EXOC6B: variants seen among roughly 807,000 people sequenced by gnomAD.
The protein encoded by EXOC6B is SEC15 homolog B.
EXOC6B carries 54 observed loss-of-function variants against 113.5 expected under a neutral mutation model. The ratio of observed to expected loss-of-function variants is 0.48; its 90% CI spans 0.38 to 0.60. The LOEUF is 0.60. Ranked by LOEUF, EXOC6B falls within the 20% of genes least tolerant of loss-of-function variation. The pLI is 0.00. For missense variants in EXOC6B, 797 were observed against 977.5 expected (o/e 0.82, Z 2.46); for synonymous variants, 357 against 339.0 (o/e 1.05, Z -0.58).
At chr2:72,346,361 G>A (rs1689338979) in intron 19 of EXOC6B, among the ~76,000 whole-genome samples, 1 of 152,120 alleles carries the variant, frequency 6.6e-6, no homozygotes. Flanking sequence ...AAGAAATGAG[G>A]ATCTAGGCAC....
In EXOC6B at chr2:72,451,456, C is replaced by T. The variant is rs62149322; in HGVS notation, c.1980+13704G>A. Among the ~76,000 whole-genome samples the T allele has an allele frequency of 6.8e-3, 1,040 of 152,186 alleles. 11 individuals are homozygous for T. Among genetic ancestry groups the T allele is most frequent in the Non-Finnish European group, 0.013 (873 of 68,004 alleles). The stretch of plus-strand genomic sequence containing the variant: ...TAGACAAAAACATGAAATAAAACTT[C>T]CTTGTTTTGTTACCATCTTAGAACA... On this transcript the variant is annotated intron_variant, in intron 18 of 21. Transcript: ENST00000272427.
intron 20 of EXOC6B, among the ~76,000 whole-genome samples, chr2:72,277,090 A>G (rs1326940187): frequency 6.6e-6 from 1 of 152,166 alleles, no homozygotes; most frequent in East Asian, 1.9e-4. Context: ...CAAATCAGGG[A>G]GGTAATTTTT....
intron 18 of EXOC6B, among the ~76,000 whole-genome samples, chr2:72,423,751 GCACACATACATA>G (rs1274914156): frequency 6.6e-6 from 1 of 151,868 alleles, no homozygotes; most frequent in Non-Finnish European, 1.5e-5. Context: ...ACATACACGT[GCACACATACATA>G]CACACATGCA....
chr2:72,669,672 A>G (rs1335140991), intron 6 of EXOC6B, among the ~76,000 whole-genome samples: 1 of 152,226 alleles, frequency 6.6e-6, no homozygotes. Flanking sequence ...TAAACTAGGG[A>G]TCTCTATACA....
chr2:72,559,925 T>C (rs532831776), intron 7 of EXOC6B, among the ~76,000 whole-genome samples: 1 of 152,230 alleles, frequency 6.6e-6, no homozygotes, highest in Admixed American at 6.5e-5. Flanking sequence ...GTTTTAGTAG[T>C]CAAAAACAAA....
At chr2:72,823,481 A>AAAAAAAAAAAAAAAAAC (rs1686712006) in intron 1 of EXOC6B, among the ~76,000 whole-genome samples, 3 of 142,214 alleles carry the variant, frequency 2.1e-5, no homozygotes, top group African/African-American at 8.2e-5. Context: ...AAAAAAAACA[A>AAAAAAAAAAAAAAAAAC]AAAACAAAAA....
intron 18 of EXOC6B, among the ~76,000 whole-genome samples, chr2:72,461,017 A>G (rs1347139404): frequency 6.6e-6 from 1 of 151,966 alleles, no homozygotes; most frequent in Non-Finnish European, 1.5e-5. Context: ...ACCATAGAAT[A>G]CTATGCAGCC....
chr2:72,198,325 C>T (rs1468087965), intron 20 of EXOC6B, among the ~76,000 whole-genome samples: 1 of 152,180 alleles, frequency 6.6e-6, no homozygotes, highest in Non-Finnish European at 1.5e-5. Context: ...CAGGCTGCCT[C>T]CTCCTTTTCC....
intron 6 of EXOC6B, among the ~76,000 whole-genome samples, chr2:72,644,918 G>A (rs916506959): frequency 6.6e-6 from 1 of 152,086 alleles, no homozygotes; most frequent in African/African-American, 2.4e-5. Flanking sequence ...ATAATGACAG[G>A]ATCAAATTCA....
chr2:72,363,470 C>G (rs1177643117), intron 19 of EXOC6B, among the ~76,000 whole-genome samples: 2 of 152,024 alleles, frequency 1.3e-5, no homozygotes, highest in African/African-American at 4.8e-5. Flanking sequence ...GAAGCAAAGT[C>G]AATTTATTAT....
chr2:72,262,108 G>A (rs1390644848), intron 20 of EXOC6B, among the ~76,000 whole-genome samples: 1 of 152,040 alleles, frequency 6.6e-6, no homozygotes, highest in African/African-American at 2.4e-5. Context: ...ATCTGAATTT[G>A]TCTTTTTCAA....
chr2:72,410,489 A>G (rs1031655077), intron 18 of EXOC6B, among the ~76,000 whole-genome samples: 1 of 152,222 alleles, frequency 6.6e-6, no homozygotes, highest in Non-Finnish European at 1.5e-5. Flanking sequence ...TGCCACAAGC[A>G]AAAGGCTATA....
intron 6 of EXOC6B, among the ~76,000 whole-genome samples, chr2:72,680,870 G>GA (rs1676654301): frequency 6.6e-6 from 1 of 152,032 alleles, no homozygotes; most frequent in Admixed American, 6.6e-5. Context: ...AATTCTAGGG[G>GA]AAAAAAGACA....
At chr2:72,242,829 C>T (rs1184844529) in intron 20 of EXOC6B, among the ~76,000 whole-genome samples, 3 of 152,176 alleles carry the variant, frequency 2.0e-5, no homozygotes, top group South Asian at 4.1e-4. Context: ...AACTCCTGGG[C>T]TCAAGTGATC....
At chr2:72,279,440 G>C (rs1173816009) in intron 20 of EXOC6B, among the ~76,000 whole-genome samples, 1 of 152,118 alleles carries the variant, frequency 6.6e-6, no homozygotes, top group African/African-American at 2.4e-5. Context: ...CACAAAAATT[G>C]TATAAGGGCC....
At chr2:72,188,428 T>C (rs989539038) in intron 20 of EXOC6B, among the ~76,000 whole-genome samples, 7 of 152,184 alleles carry the variant, frequency 4.6e-5, no homozygotes, top group East Asian at 1.9e-4. Flanking sequence ...TCTGGGTCCA[T>C]GTTGCTTCCC....
chr2:72,624,897 AC>A (rs1202269913), intron 6 of EXOC6B, among the ~76,000 whole-genome samples: 1 of 152,216 alleles, frequency 6.6e-6, no homozygotes, highest in African/African-American at 2.4e-5. Flanking sequence ...GTTAGGTGTT[AC>A]AAGGTCACAT....
At chr2:72,426,059 T>C (rs1695183153) in intron 18 of EXOC6B, among the ~76,000 whole-genome samples, 1 of 152,146 alleles carries the variant, frequency 6.6e-6, no homozygotes. Context: ...GGATAGCCCT[T>C]CCCTCTATAT....
At chr2:72,293,417 A>T (rs1295925852) in intron 20 of EXOC6B, among the ~76,000 whole-genome samples, 3 of 152,178 alleles carry the variant, frequency 2.0e-5, no homozygotes, top group Non-Finnish European at 4.4e-5. Flanking sequence ...CATTTATCCT[A>T]CTGGTTAATA....
Sources: gnomAD v4.1 joint callset for allele counts (sites outside exome capture counted in the v4.1 genomes callset) on GRCh38, gnomAD v4.1.1 for gene constraint, MANE v1.5 for transcripts, NCBI Gene and HGNC (gene_info 2026-07-23, HGNC 2026-07-21) for gene names.